The following ABHD6 variants were observed in gnomAD, a reference collection of about 807,000 sequenced individuals.
ABHD6 encodes monoacylglycerol lipase ABHD6.
ABHD6 carries 33 observed loss-of-function variants against 38.8 expected under a neutral mutation model. That is an observed-to-expected ratio of 0.85 (90% CI 0.64 to 1.14). ABHD6 has a LOEUF of 1.14. ABHD6 is among the 50% of genes most tolerant of loss of function. The probability of loss-of-function intolerance (pLI) is 0.00; values close to 1 mark genes in which losing one functional copy is unlikely to be tolerated. For missense variants in ABHD6, 380 were observed against 422.6 expected (o/e 0.90, Z 0.88); for synonymous variants, 147 against 161.6 (o/e 0.91, Z 0.69).
chr3:58,293,806 C>A lies in ABHD6; in HGVS notation c.*41C>A. ...CTGCATTCTGCACACAGCATCTGCT[C>A]CCATCCCCCAAGTCTGACGCAGCCA... On this transcript the variant is annotated 3_prime_UTR_variant, in exon 10 of 10. Coordinates refer to ENST00000478253, the MANE Select transcript of ABHD6 (RefSeq NM_001320126.2). This position sits in a 1 kb window ranked among gnomAD's most constrained non-coding sequence, Gnocchi z 4.4. 1 of 1,596,918 alleles carries A rather than the reference C, an allele frequency of 6.3e-7. No individual in the cohort carries two copies. Among genetic ancestry groups the A allele is most frequent in the South Asian group, 1.1e-5 (1 of 89,908 alleles).
chr3:58,283,002 C>T (rs534358328), intron 7 of ABHD6, among the ~76,000 whole-genome samples: 5 of 152,244 alleles, frequency 3.3e-5, no homozygotes, highest in Admixed American at 3.3e-4. Flanking sequence ...AGAGGAGAGT[C>T]CATGGCTGAG....
At position 58,267,542 on chromosome 3, in the gene ABHD6, G is replaced by A. The variant is rs2097441991; in HGVS notation, c.276+197G>A. ...TAGCCAGGTGTGGTGGTGCATGCCTGTAGTCCTGGCTACTCAGGAGACTGA... is the reference window on the plus strand; with the variant it reads ...TAGCCAGGTGTGGTGGTGCATGCCTATAGTCCTGGCTACTCAGGAGACTGA... On this transcript the variant is annotated intron_variant, in intron 4 of 9. Transcript: ENST00000478253. The surrounding 1 kb of genome is among the most constrained non-coding windows in gnomAD (Gnocchi z 4.3). 6.6e-6 allele frequency among the ~76,000 whole-genome samples: 1 copy of A among 152,114 alleles called. No individual in the cohort carries two copies. The highest frequency in any genetic ancestry group is 2.4e-5 in the African/African-American group (1 of 41,414).
intron 7 of ABHD6, among the ~76,000 whole-genome samples, chr3:58,282,711 G>T (rs1330207102): frequency 6.6e-6 from 1 of 152,100 alleles, no homozygotes; most frequent in East Asian, 1.9e-4. Context: ...ACTCCATCCT[G>T]GGCAACAGAG....
chr3:58,291,720 G>A (rs2097463169), intron 9 of ABHD6, among the ~76,000 whole-genome samples: 1 of 152,206 alleles, frequency 6.6e-6, no homozygotes, highest in Non-Finnish European at 1.5e-5. Flanking sequence ...AGCAAACAGT[G>A]CCAAAGCCAG....
intron 7 of ABHD6, among the ~76,000 whole-genome samples, chr3:58,284,696 C>G (rs1438187819): frequency 6.6e-6 from 1 of 152,052 alleles, no homozygotes; most frequent in Non-Finnish European, 1.5e-5. Context: ...AGTGATCTGC[C>G]CGCCTTGGCC....
At chr3:58,284,459 T>C (rs1378912963) in intron 7 of ABHD6, among the ~76,000 whole-genome samples, 1 of 151,350 alleles carries the variant, frequency 6.6e-6, no homozygotes, top group Non-Finnish European at 1.5e-5. Context: ...ATTATGTCTT[T>C]TTTTTTTTTT....
At chr3:58,245,878 GCTTTTC>G (rs2107417161) in intron 1 of ABHD6, among the ~76,000 whole-genome samples, 1 of 152,278 alleles carries the variant, frequency 6.6e-6, no homozygotes, top group Non-Finnish European at 1.5e-5. Context: ...TGATCTCCCT[GCTTTTC>G]CTCTTATTTA....
intron 7 of ABHD6, among the ~76,000 whole-genome samples, chr3:58,280,954 C>A (rs914344907): frequency 2.6e-5 from 4 of 152,128 alleles, no homozygotes; most frequent in Admixed American, 1.3e-4. Context: ...GCTGCCTGAT[C>A]CTTCCTCTGG....
intron 7 of ABHD6, 48 bp downstream of exon 7, chr3:58,274,863 G>A: frequency 6.3e-7 from 1 of 1,588,830 alleles, no homozygotes; most frequent in Non-Finnish European, 8.6e-7. Flanking sequence ...AGAGGCCCGG[G>A]GGCGAGTACC....
chr3:58,247,576 G>A (rs1173859679), intron 1 of ABHD6, among the ~76,000 whole-genome samples: 1 of 151,756 alleles, frequency 6.6e-6, no homozygotes, highest in Non-Finnish European at 1.5e-5. Flanking sequence ...TTGTTTTTTT[G>A]TTTTTTGTTT....
At chr3:58,250,969 G>A (rs2107425944) in intron 2 of ABHD6, among the ~76,000 whole-genome samples, 1 of 152,328 alleles carries the variant, frequency 6.6e-6, no homozygotes, top group South Asian at 2.1e-4. Context: ...GCAAGTAGGA[G>A]AATGAAAGAT....
Position 58,238,249 on chromosome 3 carries a change from G to GC in ABHD6, c.-91+337dup, listed in dbSNP as rs1404540863. On this transcript the variant is annotated intron_variant, in intron 1 of 9. Coordinates refer to ENST00000478253, the MANE Select transcript of ABHD6 (RefSeq NM_001320126.2). The surrounding 1 kb of genome is among the most constrained non-coding windows in gnomAD (Gnocchi z 6.9). ...CCTGCGCCCGCAGCAGCCCTTAGGC[G>GC]CCCCTCGCAGTGCCGAGAGGATTTT... is the stretch of plus-strand genomic sequence containing the variant. 6.6e-6 allele frequency: 1 copy of GC among 152,472 alleles called. No individual in the cohort carries two copies. The highest frequency in any genetic ancestry group is 1.5e-5 in the Non-Finnish European group (1 of 68,424). 9.4% of individuals were successfully genotyped at this position (152,472 alleles called of 1,614,324 possible). A position where few individuals can be genotyped will look rare whatever the true frequency, so the allele number is the denominator to read the frequency against.
In ABHD6 at chr3:58,285,108, C is replaced by T. The variant is rs1204228057; in HGVS notation, c.705C>T (p.Val235=). 6.2e-7 allele frequency: 1 copy of T among 1,614,208 alleles called. No individual in the cohort carries two copies. The highest frequency in any genetic ancestry group is 2.2e-5 in the East Asian group (1 of 44,882). ...AGATCCTGCAAGGCCTTGTCGATGT[C>T]CGCATCCCTCATAACAACTTCTACC... The part of the protein sequence containing the change: ...PQQILQGLVD[V]RIPHNNFYRK... Residue 235 remains valine, a synonymous_variant, in exon 8 of 10, where the codon GTC becomes GTT. Coordinates refer to ENST00000478253, the MANE Select transcript of ABHD6 (RefSeq NM_001320126.2). The surrounding 1 kb of genome is among the most constrained non-coding windows in gnomAD (Gnocchi z 4.9).
At chr3:58,286,703 A>G (rs1172651358) in intron 9 of ABHD6, among the ~76,000 whole-genome samples, 1 of 151,450 alleles carries the variant, frequency 6.6e-6, no homozygotes, top group Non-Finnish European at 1.5e-5. Flanking sequence ...TATAGTGTAT[A>G]TATATGCATA....
At chr3:58,279,975 G>A (rs2097451862) in intron 7 of ABHD6, among the ~76,000 whole-genome samples, 1 of 152,192 alleles carries the variant, frequency 6.6e-6, no homozygotes, top group South Asian at 2.1e-4. Flanking sequence ...AGTCTGATGG[G>A]CTTCCCTTTG....
In ABHD6 at chr3:58,256,516, C is replaced by T; in HGVS notation, c.-25-46C>T. On this transcript the variant is annotated intron_variant, in intron 2 of 9. Transcript: ENST00000478253. This position sits in a 1 kb window ranked among gnomAD's most constrained non-coding sequence, Gnocchi z 4.3. ...CCCCTTTACTTCTTCGCCTTTTTTCCTTTGATACAGAGTTTTAATATCGTC... is the reference window on the plus strand; with the variant it reads ...CCCCTTTACTTCTTCGCCTTTTTTCTTTTGATACAGAGTTTTAATATCGTC... The T allele has an allele frequency of 4.2e-6, 5 of 1,177,616 alleles. No individual in the cohort carries two copies. The highest frequency in any genetic ancestry group is 4.4e-5 in the Admixed American group (2 of 45,308). The allele number at this position is 1,177,616 out of a possible 1,614,324, so 72.9% of individuals were successfully genotyped here. A position where few individuals can be genotyped will look rare whatever the true frequency, so the allele number is the denominator to read the frequency against.
rs1451772045 is a variant in ABHD6, at chr3:58,273,757, G to A, written c.524-901G>A. On this transcript the variant is annotated intron_variant, in intron 6 of 9. Transcript: ENST00000478253. This position sits in a 1 kb window ranked among gnomAD's most constrained non-coding sequence, Gnocchi z 4.8. Reference sequence around the variant, plus strand: ...AGGTCACAGGGAGGGAGAGCATTAGGACAAATGCCGAATGCATGAGGGACT... The same window carrying A: ...AGGTCACAGGGAGGGAGAGCATTAGAACAAATGCCGAATGCATGAGGGACT... 6.6e-6 allele frequency among the ~76,000 whole-genome samples: 1 copy of A among 152,108 alleles called. No homozygotes were observed. The highest frequency in any genetic ancestry group is 2.4e-5 in the African/African-American group (1 of 41,424).
rs771953749 is a variant in ABHD6 at position 58,267,361 on chromosome 3, C to A, written c.276+16C>A. On this transcript the variant is annotated intron_variant, in intron 4 of 9. Transcript: ENST00000478253. This position sits in a 1 kb window ranked among gnomAD's most constrained non-coding sequence, Gnocchi z 4.3. ...TGTGGTCAAGGTGCAATTCTCGATTCTTCTCTCTTATAAGAAAAGGGAGTT... is the reference window on the plus strand; with the variant it reads ...TGTGGTCAAGGTGCAATTCTCGATTATTCTCTCTTATAAGAAAAGGGAGTT... 3 of 1,613,782 alleles carry A rather than the reference C, an allele frequency of 1.9e-6. No individual in the cohort carries two copies. Among genetic ancestry groups the A allele is most frequent in the Non-Finnish European group, 2.5e-6 (3 of 1,179,862 alleles).
chr3:58,270,170 A>T (rs949421196), intron 5 of ABHD6, among the ~76,000 whole-genome samples: 1 of 152,114 alleles, frequency 6.6e-6, no homozygotes, highest in Non-Finnish European at 1.5e-5. Flanking sequence ...GGATGGTTGG[A>T]TGGATGGATG....
Sources: allele counts gnomAD v4.1 joint callset (sites outside exome capture counted in the v4.1 genomes callset), GRCh38; gene constraint gnomAD v4.1.1; non-coding constraint Gnocchi (gnomAD v3.1); transcripts MANE v1.5; gene names NCBI Gene and HGNC (gene_info 2026-07-23, HGNC 2026-07-21).